Variants in LRRC27 observed in about 807,000 individuals in gnomAD.
The protein encoded by LRRC27 is leucine-rich repeat-containing protein 27.
In LRRC27, 57 loss-of-function variants were observed where a neutral mutation model predicts 55.0. That is an observed-to-expected ratio of 1.04 (90% CI 0.84 to 1.29). The LOEUF (loss-of-function observed/expected upper bound fraction) is 1.29, where lower values mean the gene tolerates loss of function less well. LRRC27 is among the 50% of genes most tolerant of loss of function. The pLI is 0.00. For missense variants in LRRC27, 721 were observed against 651.5 expected (o/e 1.11, Z -1.16); for synonymous variants, 278 against 251.9 (o/e 1.10, Z -0.98).
At chr10:132,358,786 G>A (rs1327741971) in intron 8 of LRRC27, among the ~76,000 whole-genome samples, 2 of 65,834 alleles carry the variant, frequency 3.0e-5, no homozygotes, top group African/African-American at 6.3e-5. Flanking sequence ...AGCCGAGGTG[G>A]TGGAGTGTGG....
intron 2 of LRRC27, among the ~76,000 whole-genome samples, chr10:132,333,965 T>G (rs767823060): frequency 2.6e-5 from 4 of 152,262 alleles, no homozygotes; most frequent in Non-Finnish European, 5.9e-5. Flanking sequence ...TGAAGGTGTC[T>G]GTTCTCTTCC....
Position 132,365,344 on chromosome 10 carries a change from T to G in LRRC27, c.1290-80T>G, listed in dbSNP as rs1344666009. The G allele has an allele frequency of 7.0e-6, 11 of 1,570,924 alleles. No individual in the cohort carries two copies. In the South Asian group the frequency reaches 1.1e-4, roughly 16 times the overall value. On this transcript the variant is annotated intron_variant, in intron 9 of 10. Coordinates refer to ENST00000368614, the MANE Select transcript of LRRC27 (RefSeq NM_030626.3). ...TGGTCTGGGAAGAAAGGCACATGCTTTCTCCCTGGTTATGGCGGGAGTTGC... is the reference window on the plus strand; with the variant it reads ...TGGTCTGGGAAGAAAGGCACATGCTGTCTCCCTGGTTATGGCGGGAGTTGC...
In LRRC27 at chr10:132,349,282, A is replaced by G. The variant is rs991769327; in HGVS notation, c.926+926A>G. On this transcript the variant is annotated intron_variant, in intron 6 of 10. Coordinates refer to ENST00000368614, the MANE Select transcript of LRRC27 (RefSeq NM_030626.3). The stretch of plus-strand genomic sequence containing the variant: ...GTCCCTCAGGCTCCACGCAGCGTCC[A>G]GCACGAGCAGGTTCACAGTGGCACC... Among the ~76,000 whole-genome samples the G allele has an allele frequency of 3.9e-5, 6 of 152,358 alleles. No individual in the cohort carries two copies. The East Asian group carries it at 1.2e-3, about 29-fold the overall frequency.
intron 7 of LRRC27, chr10:132,353,342 C>T (rs78331125): frequency 2.6e-5 from 29 of 1,094,548 alleles, no homozygotes; most frequent in African/African-American, 8.1e-5. Flanking sequence ...GCTCTTGCAC[C>T]GCCCCTGTGG....
chr10:132,330,884 C>T (rs539132994), upstream of LRRC27, among the ~76,000 whole-genome samples: 1 of 151,740 alleles, frequency 6.6e-6, no homozygotes, highest in South Asian at 2.1e-4. Context: ...GTCGTTTCTC[C>T]ACATAATTAT....
intron 2 of LRRC27, 70 bp downstream of exon 2, chr10:132,333,804 G>T: frequency 2.5e-6 from 3 of 1,178,862 alleles, no homozygotes; most frequent in Non-Finnish European, 3.6e-6. Flanking sequence ...ATGTACCCCT[G>T]GGCTTTATTT....
At position 132,376,572 on chromosome 10, in the gene LRRC27, T is replaced by A. The variant is rs1360156500; in HGVS notation, c.*1330T>A. ...GAGTCAGCCGTGGGTTGAGCTGCTC[T>A]CCTCTGAAGGTTTAACTGGGCTTGG... On this transcript the variant is annotated 3_prime_UTR_variant, in exon 11 of 11. Coordinates refer to ENST00000368614, the MANE Select transcript of LRRC27 (RefSeq NM_030626.3). 2.0e-5 allele frequency: 3 copies of A among 152,372 alleles called. No individual in the cohort carries two copies. The highest frequency in any genetic ancestry group is 2.9e-5 in the Non-Finnish European group (2 of 68,060). 9.4% of individuals were successfully genotyped at this position (152,372 alleles called of 1,614,324 possible). A position where few individuals can be genotyped will look rare whatever the true frequency, so the allele number is the denominator to read the frequency against.
intron 7 of LRRC27, chr10:132,352,741 G>C (rs1247240767): frequency 2.3e-6 from 2 of 857,606 alleles, no homozygotes; most frequent in East Asian, 5.3e-5. Context: ...GGGCTCCCTT[G>C]TTTGCAGCCC....
At chr10:132,331,823 C>T (rs1157604698), upstream of LRRC27, 3 of 1,551,826 alleles carry the variant, frequency 1.9e-6, no homozygotes, top group Admixed American at 1.9e-5. Context: ...ACCACCCCTT[C>T]AAGGCCGCGG....
At chr10:132,336,974 C>T (rs2067164108) in intron 2 of LRRC27, 4 of 731,548 alleles carry the variant, frequency 5.5e-6, no homozygotes, top group South Asian at 2.2e-5. Flanking sequence ...TCCACCTTCC[C>T]TTATTTGTCA....
chr10:132,354,387 G>A (rs549571096), intron 7 of LRRC27, among the ~76,000 whole-genome samples: 40 of 152,302 alleles, frequency 2.6e-4, no homozygotes, highest in Middle Eastern at 6.8e-3. Flanking sequence ...GCTTCCCAAG[G>A]TGTGACCAGA....
chr10:132,364,420 T>TACACCCACCCACACTC (rs1564853289), intron 9 of LRRC27, among the ~76,000 whole-genome samples: 64 of 66,598 alleles, frequency 9.6e-4, no homozygotes, highest in African/African-American at 4.8e-3. Context: ...CACCCGCGCT[T>TACACCCACCCACACTC]ACACCCACGC....
At chr10:132,342,698 C>T (rs74161785) in intron 4 of LRRC27, among the ~76,000 whole-genome samples, 4,805 of 152,254 alleles carry the variant, frequency 0.032, 116 homozygotes, top group African/African-American at 0.063. Context: ...AACTGACAGA[C>T]AAATCAAACA....
In LRRC27 at chr10:132,348,968, G is replaced by A. The variant is rs746172569; in HGVS notation, c.926+612G>A. 8 of 1,605,136 alleles carry A rather than the reference G, an allele frequency of 5.0e-6. No individual in the cohort carries two copies. In the East Asian group the frequency reaches 1.6e-4, roughly 32 times the overall value. On this transcript the variant is annotated intron_variant, in intron 6 of 10. Coordinates refer to ENST00000368614, the MANE Select transcript of LRRC27 (RefSeq NM_030626.3). This position sits in a 1 kb window ranked among gnomAD's most constrained non-coding sequence, Gnocchi z 4.2. ...TATTTTCCTTTCACACCCAGGACAA[G>A]GGTCCCTAGGAAACAGGCTCTGCAG...
At position 132,370,882 on chromosome 10, in the gene LRRC27, A is replaced by G. The variant is rs1443476833; in HGVS notation, c.1417-4184A>G. Reference sequence around the variant, plus strand: ...TTTGTATAATCCTGGTGAGACGATCATGCCAGCCCTCCCTGCAGGTGAAGT... The same window carrying G: ...TTTGTATAATCCTGGTGAGACGATCGTGCCAGCCCTCCCTGCAGGTGAAGT... On this transcript the variant is annotated intron_variant, in intron 10 of 10. Coordinates refer to ENST00000368614, the MANE Select transcript of LRRC27 (RefSeq NM_030626.3). 2.0e-5 allele frequency among the ~76,000 whole-genome samples: 3 copies of G among 152,258 alleles called. No individual in the cohort carries two copies. In the East Asian group the frequency reaches 5.8e-4, roughly 29 times the overall value.
In LRRC27 at chr10:132,375,574, A is replaced by G; in HGVS notation, c.*332A>G. ...TGGAGCCCTTGTTACAAAAGTACTC[A>G]CAGCTTTCCTTCACTTAGTTATTTG... is the stretch of plus-strand genomic sequence containing the variant. On this transcript the variant is annotated 3_prime_UTR_variant, in exon 11 of 11. Coordinates refer to ENST00000368614, the MANE Select transcript of LRRC27 (RefSeq NM_030626.3). 5.0e-6 allele frequency: 1 copy of G among 200,776 alleles called. No homozygotes were observed. 12.4% of individuals were successfully genotyped at this position (200,776 alleles called of 1,614,324 possible). A position where few individuals can be genotyped will look rare whatever the true frequency, so the allele number is the denominator to read the frequency against.
chr10:132,353,148 G>C (rs575929283), intron 7 of LRRC27: 1 of 1,437,606 alleles, frequency 7.0e-7, no homozygotes, highest in African/African-American at 1.4e-5. Flanking sequence ...TTTGGCCAGC[G>C]GGGGCCCCCA....
intron 9 of LRRC27, among the ~76,000 whole-genome samples, chr10:132,364,626 C>T (rs1436656708): frequency 7.5e-6 from 1 of 132,870 alleles, no homozygotes; most frequent in Admixed American, 7.3e-5. Context: ...CATCTACCTC[C>T]ACGCCCACAC....
At chr10:132,349,182 G>C in intron 6 of LRRC27, 1 of 722,656 alleles carries the variant, frequency 1.4e-6, no homozygotes, top group South Asian at 1.7e-5. Flanking sequence ...ATTCTCAAGG[G>C]GCACATTGTC....
Sources: gnomAD v4.1 joint callset for allele counts (sites outside exome capture counted in the v4.1 genomes callset) on GRCh38, gnomAD v4.1.1 for gene constraint, Gnocchi (gnomAD v3.1) non-coding constraint, MANE v1.5 for transcripts, NCBI Gene and HGNC (gene_info 2026-07-23, HGNC 2026-07-21) for gene names.